Variants in MLLT10 observed in about 807,000 individuals in gnomAD.
MLLT10 encodes MLLT10 histone lysine methyltransferase DOT1L cofactor.
In MLLT10, 30 loss-of-function variants were observed where a neutral mutation model predicts 129.1. That is an observed-to-expected ratio of 0.23 (90% CI 0.17 to 0.32). The LOEUF (loss-of-function observed/expected upper bound fraction) is 0.32. Ranked by LOEUF, MLLT10 falls within the 10% of genes least tolerant of loss-of-function variation. MLLT10 has a pLI of 1.00. For synonymous variants in MLLT10, 490 were observed against 446.4 expected (o/e 1.10, Z -1.23); for missense variants, 1,119 against 1,268.3 (o/e 0.88, Z 1.79).
chr10:21,720,116 C>T (rs1037783374), intron 14 of MLLT10, among the ~76,000 whole-genome samples: 8 of 152,146 alleles, frequency 5.3e-5, no homozygotes, highest in East Asian at 1.9e-4. Flanking sequence ...TCCTGTTGTC[C>T]GATCATGAGT....
intron 3 of MLLT10, among the ~76,000 whole-genome samples, chr10:21,564,241 A>G (rs1195278216): frequency 6.6e-6 from 1 of 151,902 alleles, no homozygotes; most frequent in Non-Finnish European, 1.5e-5. Flanking sequence ...ATGCCACTAC[A>G]CCCAGCCATT....
intron 5 of MLLT10, among the ~76,000 whole-genome samples, chr10:21,608,927 A>T (rs1478304022): frequency 1.3e-5 from 2 of 151,770 alleles, no homozygotes; most frequent in Admixed American, 1.3e-4. Flanking sequence ...TTATTTTTTA[A>T]TTTTTTTGTT....
At chr10:21,566,798 T>G (rs1247734100) in intron 3 of MLLT10, among the ~76,000 whole-genome samples, 2 of 152,120 alleles carry the variant, frequency 1.3e-5, no homozygotes, top group Non-Finnish European at 2.9e-5. Flanking sequence ...GTTTGGATAT[T>G]TGTTCCACTG....
At chr10:21,615,312 C>T (rs537976490) in intron 7 of MLLT10, among the ~76,000 whole-genome samples, 36 of 151,400 alleles carry the variant, frequency 2.4e-4, no homozygotes, top group Non-Finnish European at 3.8e-4. Flanking sequence ...ACAAAATTAG[C>T]GGGGTGTGCT....
intron 8 of MLLT10, among the ~76,000 whole-genome samples, chr10:21,622,153 CTTTTTTT>C (rs71393915): frequency 2.0e-3 from 197 of 99,798 alleles, no homozygotes; most frequent in Middle Eastern, 6.8e-3. Context: ...TTTGTTTTTC[CTTTTTTT>C]TTTTTTTTTT....
chr10:21,611,580 A>T (rs371017613), intron 5 of MLLT10, among the ~76,000 whole-genome samples: 6 of 152,126 alleles, frequency 3.9e-5, no homozygotes, highest in Non-Finnish European at 8.8e-5. Flanking sequence ...GATTTTATTC[A>T]TTATACACCG....
At chr10:21,569,197 A>G (rs115296425) in intron 3 of MLLT10, among the ~76,000 whole-genome samples, 4,348 of 151,376 alleles carry the variant, frequency 0.029, 206 homozygotes, top group African/African-American at 0.1. Context: ...AGTTTGGTTA[A>G]TGGTGTTATT....
intron 8 of MLLT10, among the ~76,000 whole-genome samples, chr10:21,618,874 A>C (rs1054648574): frequency 5.9e-5 from 9 of 152,188 alleles, no homozygotes; most frequent in African/African-American, 2.2e-4. Flanking sequence ...CTAGGATTAC[A>C]GGCACATGCC....
intron 8 of MLLT10, among the ~76,000 whole-genome samples, chr10:21,641,824 T>C (rs559554830): frequency 6.6e-6 from 1 of 152,326 alleles, no homozygotes; most frequent in Non-Finnish European, 1.5e-5. Context: ...GCTGAAGCAA[T>C]TGGAAATTTA....
chr10:21,719,850 G>A (rs963377689), intron 14 of MLLT10, among the ~76,000 whole-genome samples: 1 of 152,172 alleles, frequency 6.6e-6, no homozygotes, highest in African/African-American at 2.4e-5. Context: ...GTGAGAAATT[G>A]TACAGGAACA....
At chr10:21,691,167 T>A (rs1282976169) in intron 13 of MLLT10, among the ~76,000 whole-genome samples, 5 of 152,190 alleles carry the variant, frequency 3.3e-5, no homozygotes, top group Admixed American at 2.0e-4. Context: ...AATACTTTTT[T>A]TTCTCTCTGT....
chr10:21,725,436 T>C (rs2057413736), intron 14 of MLLT10, among the ~76,000 whole-genome samples: 1 of 152,148 alleles, frequency 6.6e-6, no homozygotes, highest in South Asian at 2.1e-4. Flanking sequence ...TTTGTAGTTA[T>C]GGCCAGGCGC....
At chr10:21,568,754 A>G (rs1436145089) in intron 3 of MLLT10, among the ~76,000 whole-genome samples, 1 of 152,246 alleles carries the variant, frequency 6.6e-6, no homozygotes, top group East Asian at 1.9e-4. Context: ...TCTCTGCCTC[A>G]GCCTCCTGAG....
chr10:21,650,195 A>AT (rs1027033926), intron 8 of MLLT10, among the ~76,000 whole-genome samples: 17 of 151,884 alleles, frequency 1.1e-4, no homozygotes, highest in African/African-American at 3.6e-4. Flanking sequence ...AAAAATACAT[A>AT]TAAAAAAAAG....
intron 3 of MLLT10, among the ~76,000 whole-genome samples, chr10:21,556,354 G>C (rs532763327): frequency 2.6e-5 from 4 of 152,158 alleles, no homozygotes; most frequent in Non-Finnish European, 5.9e-5. Flanking sequence ...GTGATCTAGC[G>C]GGGTTCTTAG....
intron 8 of MLLT10, chr10:21,625,863 G>C (rs2046379316): frequency 1.3e-6 from 1 of 778,910 alleles, no homozygotes; most frequent in South Asian, 1.3e-5. Flanking sequence ...ATAAGACGTA[G>C]ATCCCAAATG....
At position 21,742,472 on chromosome 10, in the gene MLLT10, T is replaced by C. The variant is rs949888474; in HGVS notation, c.*489T>C. ...ACTAATTTCTTCTCCTGGAGTTGCA[T>C]TGATTCAGTATTACAAATATATAGC... On this transcript the variant is annotated 3_prime_UTR_variant, in exon 23 of 23. Coordinates refer to ENST00000307729, the MANE Select transcript of MLLT10 (RefSeq NM_001195626.3). The C allele has an allele frequency of 9.3e-6, 2 of 215,924 alleles. No homozygotes were observed. The highest frequency in any genetic ancestry group is 1.9e-5 in the Non-Finnish European group (2 of 107,286). The allele number at this position is 215,924 out of a possible 1,614,324, so 13.4% of individuals were successfully genotyped here.
intron 3 of MLLT10, among the ~76,000 whole-genome samples, chr10:21,556,393 T>C (rs1296672138): frequency 4.6e-5 from 7 of 152,350 alleles, no homozygotes; most frequent in African/African-American, 9.6e-5. Flanking sequence ...TATCTGATCA[T>C]GATCACCTGT....
upstream of MLLT10, chr10:21,534,116 G>T (rs2033307215): frequency 3.4e-6 from 1 of 298,130 alleles, no homozygotes; most frequent in Non-Finnish European, 6.2e-6. Context: ...CGAGCGGCGC[G>T]GGGGAGGGGG....
Sources: gnomAD v4.1 joint callset for allele counts (sites outside exome capture counted in the v4.1 genomes callset) on GRCh38, gnomAD v4.1.1 for gene constraint, MANE v1.5 for transcripts, NCBI Gene and HGNC (gene_info 2026-07-23, HGNC 2026-07-21) for gene names.